SLC24A3: variants seen among roughly 807,000 people sequenced by gnomAD.
SLC24A3 encodes the protein sodium/potassium/calcium exchanger 3.
In SLC24A3, 28 loss-of-function variants were observed where a neutral mutation model predicts 75.8. The ratio of observed to expected loss-of-function variants is 0.37; its 90% CI spans 0.27 to 0.51. SLC24A3 has a LOEUF of 0.51. Ranked by LOEUF, SLC24A3 falls within the 20% of genes least tolerant of loss-of-function variation. The pLI, the probability that SLC24A3 is intolerant of heterozygous loss-of-function variation, is 0.94. For synonymous variants in SLC24A3, 372 were observed against 334.1 expected, an observed-to-expected ratio of 1.11 and a Z score of -1.24; for missense variants, 663 against 847.8, an observed-to-expected ratio of 0.78 and a Z score of 2.71.
intron 1 of SLC24A3, among the ~76,000 whole-genome samples, chr20:19,278,371 C>T (rs912632114): frequency 1.3e-5 from 2 of 152,140 alleles, no homozygotes; most frequent in African/African-American, 4.8e-5. Flanking sequence ...GCTCTTCTAC[C>T]GATTCTTCTT....
chr20:19,567,853 G>A (rs2030984998), intron 3 of SLC24A3, among the ~76,000 whole-genome samples: 1 of 152,160 alleles, frequency 6.6e-6, no homozygotes, highest in African/African-American at 2.4e-5. Flanking sequence ...GCAACTCACA[G>A]AATGGGAGAA....
chr20:19,608,435 C>T (rs895631993), intron 6 of SLC24A3, among the ~76,000 whole-genome samples: 2 of 152,202 alleles, frequency 1.3e-5, no homozygotes, highest in Admixed American at 1.3e-4. Flanking sequence ...CCCAATGCAT[C>T]ATTCTACAAC....
At chr20:19,618,069 C>T (rs1211195403) in intron 6 of SLC24A3, among the ~76,000 whole-genome samples, 1 of 151,742 alleles carries the variant, frequency 6.6e-6, no homozygotes, top group East Asian at 1.9e-4. Context: ...CCTGGAAATT[C>T]GCAGGAAAGG....
intron 2 of SLC24A3, among the ~76,000 whole-genome samples, chr20:19,439,467 G>T (rs1292670694): frequency 6.6e-6 from 1 of 152,108 alleles, no homozygotes; most frequent in Non-Finnish European, 1.5e-5. Context: ...AGATAGATTT[G>T]GCTGTTCCTG....
At chr20:19,366,309 AAG>A (rs1985890792) in intron 2 of SLC24A3, among the ~76,000 whole-genome samples, 2 of 152,192 alleles carry the variant, frequency 1.3e-5, no homozygotes, top group Non-Finnish European at 2.9e-5. Context: ...TTGTTCCTAA[AAG>A]TTATCCCAGC....
chr20:19,230,789 G>A (rs1423776844), intron 1 of SLC24A3, among the ~76,000 whole-genome samples: 1 of 152,122 alleles, frequency 6.6e-6, no homozygotes, highest in Non-Finnish European at 1.5e-5. Flanking sequence ...TTGTGTGTTA[G>A]GCATTCATCC....
chr20:19,432,257 T>TTA (rs1259286687), intron 2 of SLC24A3, among the ~76,000 whole-genome samples: 4 of 130,026 alleles, frequency 3.1e-5, no homozygotes, highest in Admixed American at 1.6e-4. Context: ...TCAAACAGAT[T>TTA]TATATATATC....
intron 1 of SLC24A3, among the ~76,000 whole-genome samples, chr20:19,277,983 C>CT (rs1487393242): frequency 5.9e-5 from 9 of 152,014 alleles, no homozygotes; most frequent in Non-Finnish European, 1.0e-4. Context: ...CAGCATGACT[C>CT]TCTCTTTAGG....
At position 19,356,041 on chromosome 20, in the gene SLC24A3, T is replaced by G. The variant is rs547118441; in HGVS notation, c.271+74954T>G. On this transcript the variant is annotated intron_variant, in intron 2 of 16. Coordinates refer to ENST00000328041, the MANE Select transcript of SLC24A3 (RefSeq NM_020689.4). ...CTATAGACCCCAAATTAAGAACCCTTGGAATTAGGACCAAACTCTGCCACC... is the reference window on the plus strand; with the variant it reads ...CTATAGACCCCAAATTAAGAACCCTGGGAATTAGGACCAAACTCTGCCACC... Among the ~76,000 whole-genome samples, 63 of 152,254 alleles carry G rather than the reference T, an allele frequency of 4.1e-4. 1 individual carries two copies. The South Asian group carries it at 8.3e-3, about 20-fold the overall frequency.
At chr20:19,477,869 T>C (rs1987987690) in intron 2 of SLC24A3, among the ~76,000 whole-genome samples, 1 of 152,306 alleles carries the variant, frequency 6.6e-6, no homozygotes, top group Non-Finnish European at 1.5e-5. Context: ...ACAAAATGGC[T>C]ACTATTGGGT....
At chr20:19,218,506 A>G (rs960486174) in intron 1 of SLC24A3, among the ~76,000 whole-genome samples, 3 of 152,210 alleles carry the variant, frequency 2.0e-5, no homozygotes, top group Non-Finnish European at 4.4e-5. Context: ...ACTGAGGAGT[A>G]AGGAGTAACA....
intron 2 of SLC24A3, among the ~76,000 whole-genome samples, chr20:19,477,213 G>T (rs1987976004): frequency 6.6e-6 from 1 of 152,166 alleles, no homozygotes; most frequent in Non-Finnish European, 1.5e-5. Flanking sequence ...AGGTGAGGAA[G>T]AGTGGAGGCA....
intron 2 of SLC24A3, among the ~76,000 whole-genome samples, chr20:19,322,236 G>A (rs888276768): frequency 6.6e-6 from 1 of 152,066 alleles, no homozygotes; most frequent in African/African-American, 2.4e-5. Context: ...TTATAGCAGG[G>A]TGTGCAAAAT....
chr20:19,570,743 G>A (rs2031039676), intron 3 of SLC24A3, among the ~76,000 whole-genome samples: 1 of 152,116 alleles, frequency 6.6e-6, no homozygotes, highest in Admixed American at 6.5e-5. Context: ...GACTTCTGCT[G>A]GGGACATATT....
intron 1 of SLC24A3, among the ~76,000 whole-genome samples, chr20:19,245,675 A>G (rs985915645): frequency 1.3e-5 from 2 of 152,222 alleles, no homozygotes; most frequent in South Asian, 2.1e-4. Flanking sequence ...GGATATTACT[A>G]TCCAATAAAG....
intron 2 of SLC24A3, among the ~76,000 whole-genome samples, chr20:19,354,582 T>TTGTGTA (rs1555789352): frequency 7.0e-6 from 1 of 142,872 alleles, no homozygotes; most frequent in African/African-American, 2.9e-5. Context: ...CATAAAAAAT[T>TTGTGTA]TGTGTATGTG....
At chr20:19,322,350 TTTCCTTCCTTCCTTCCCTTCC>T (rs1218106479) in intron 2 of SLC24A3, among the ~76,000 whole-genome samples, 3,013 of 114,166 alleles carry the variant, frequency 0.026, 62 homozygotes, top group African/African-American at 0.056. Flanking sequence ...TTGAGCCTTC[TTTCCTTCCTTCCTTCCCTTCC>T]TTCCTTCCTT....
chr20:19,305,293 ATCT>A lies in SLC24A3; in HGVS notation c.271+24211_271+24213del, dbSNP rs1423586421. Among the ~76,000 whole-genome samples, 4 of 152,042 alleles carry A rather than the reference ATCT, an allele frequency of 2.6e-5. No homozygotes were observed. The East Asian group carries it at 5.8e-4, about 22-fold the overall frequency. On this transcript the variant is annotated intron_variant, in intron 2 of 16. Transcript: ENST00000328041. ...TGTAATTCTGAAAGCCATTTATGGG[ATCT>A]TCTTGCAGTTTCTCACCTCTTTGAA...
At chr20:19,581,300 A>G (rs1473352667) in intron 4 of SLC24A3, among the ~76,000 whole-genome samples, 1 of 152,100 alleles carries the variant, frequency 6.6e-6, no homozygotes, top group African/African-American at 2.4e-5. Flanking sequence ...CTGAAATACC[A>G]CTATTGGGTG....
Sources: gnomAD v4.1 joint callset for allele counts (sites outside exome capture counted in the v4.1 genomes callset) on GRCh38, gnomAD v4.1.1 for gene constraint, MANE v1.5 for transcripts, NCBI Gene and HGNC (gene_info 2026-07-23, HGNC 2026-07-21) for gene names.